LRP1B: variants seen among roughly 807,000 people sequenced by gnomAD.
LRP1B encodes the protein LDL receptor related protein 1B, also known as low-density lipoprotein receptor-related protein 1B.
LRP1B carries 217 observed loss-of-function variants against 556.6 expected under a neutral mutation model. The observed-to-expected ratio is 0.39, with a 90% CI of 0.35 to 0.44. LRP1B has a LOEUF of 0.44. Ranked by LOEUF, LRP1B falls within the 20% of genes least tolerant of loss-of-function variation. The pLI is 1.00. For missense variants in LRP1B, 5,053 were observed against 5,620.8 expected, an observed-to-expected ratio of 0.90 and a Z score of 3.23; for synonymous variants, 2,047 against 1,865.8, an observed-to-expected ratio of 1.10 and a Z score of -2.50.
At chr2:141,870,704 T>C (rs972844875) in intron 1 of LRP1B, among the ~76,000 whole-genome samples, 8 of 151,916 alleles carry the variant, frequency 5.3e-5, no homozygotes, top group Non-Finnish European at 1.2e-4. Context: ...TTATATTTGC[T>C]GTAGGAGTCA....
intron 11 of LRP1B, among the ~76,000 whole-genome samples, chr2:141,028,953 G>A (rs1698291073): frequency 6.6e-6 from 1 of 152,108 alleles, no homozygotes; most frequent in Admixed American, 6.6e-5. Context: ...AAGAGAGCTG[G>A]GTTGGGTGTG....
chr2:141,401,967 G>T (rs1447584890), intron 3 of LRP1B, among the ~76,000 whole-genome samples: 1 of 152,062 alleles, frequency 6.6e-6, no homozygotes, highest in Non-Finnish European at 1.5e-5. Flanking sequence ...ATATTTGAAC[G>T]CATCCTTCTT....
chr2:140,345,059 A>G (rs1426877585), intron 77 of LRP1B, among the ~76,000 whole-genome samples: 4 of 151,674 alleles, frequency 2.6e-5, no homozygotes, highest in South Asian at 4.1e-4. Context: ...GGGTTTCTCA[A>G]TTTCACTGCT....
At chr2:140,721,899 A>T (rs951805397) in intron 35 of LRP1B, among the ~76,000 whole-genome samples, 1 of 151,758 alleles carries the variant, frequency 6.6e-6, no homozygotes, top group Non-Finnish European at 1.5e-5. Context: ...TATATATTTA[A>T]GTATATAAAT....
chr2:142,008,970 G>T (rs1702877579), intron 1 of LRP1B, among the ~76,000 whole-genome samples: 2 of 151,938 alleles, frequency 1.3e-5, no homozygotes, highest in Non-Finnish European at 2.9e-5. Flanking sequence ...ACCCTGTTAG[G>T]TTGCTGAAGA....
chr2:140,754,639 ACT>A (rs999604761), intron 35 of LRP1B, among the ~76,000 whole-genome samples: 1 of 152,040 alleles, frequency 6.6e-6, no homozygotes, highest in Non-Finnish European at 1.5e-5. Flanking sequence ...GAAAATGAAG[ACT>A]CTATATATCA....
chr2:140,657,658 T>TATACATAC (rs1684939830), intron 41 of LRP1B, among the ~76,000 whole-genome samples: 1 of 147,538 alleles, frequency 6.8e-6, no homozygotes, highest in African/African-American at 2.5e-5. Context: ...TATACATACA[T>TATACATAC]ATATATACAT....
At chr2:141,092,600 G>A (rs1700196208) in intron 7 of LRP1B, among the ~76,000 whole-genome samples, 1 of 152,132 alleles carries the variant, frequency 6.6e-6, no homozygotes, top group African/African-American at 2.4e-5. Context: ...GTTAATGAAG[G>A]ATGAACCTAA....
intron 1 of LRP1B, among the ~76,000 whole-genome samples, chr2:141,897,043 C>T (rs1233207292): frequency 6.6e-6 from 1 of 152,022 alleles, no homozygotes; most frequent in African/African-American, 2.4e-5. Context: ...GGAGTTGGCT[C>T]ATAAATTACA....
chr2:140,573,588 A>C (rs1336875116), intron 43 of LRP1B, among the ~76,000 whole-genome samples: 1 of 152,044 alleles, frequency 6.6e-6, no homozygotes, highest in Non-Finnish European at 1.5e-5. Flanking sequence ...TTCCAACTTG[A>C]CCATTTGGGA....
chr2:141,765,169 A>G (rs1283504197), intron 2 of LRP1B, among the ~76,000 whole-genome samples: 1 of 152,242 alleles, frequency 6.6e-6, no homozygotes, highest in Admixed American at 6.5e-5. Context: ...ATAATTTAGT[A>G]TAACCTGAGA....
intron 1 of LRP1B, among the ~76,000 whole-genome samples, chr2:142,117,220 A>T (rs762576855): frequency 2.6e-5 from 4 of 152,132 alleles, no homozygotes; most frequent in Non-Finnish European, 5.9e-5. Flanking sequence ...GTTAAGTCAC[A>T]ATTGGGTCTA....
At chr2:142,123,177 AAC>A (rs1707518104) in intron 1 of LRP1B, among the ~76,000 whole-genome samples, 1 of 152,068 alleles carries the variant, frequency 6.6e-6, no homozygotes, top group South Asian at 2.1e-4. Context: ...ATATGCTAGG[AAC>A]ACACAAAGCA....
At chr2:141,905,342 G>A (rs1024052985) in intron 1 of LRP1B, among the ~76,000 whole-genome samples, 1 of 151,830 alleles carries the variant, frequency 6.6e-6, no homozygotes. Flanking sequence ...AACATAAAGA[G>A]TGCAAAGGTG....
chr2:141,812,187 C>A (rs190241712), intron 1 of LRP1B, among the ~76,000 whole-genome samples: 50 of 152,136 alleles, frequency 3.3e-4, no homozygotes, highest in Middle Eastern at 3.4e-3. Context: ...TAGGCTGTCA[C>A]ATAACTTTTG....
rs2104884859 is a variant in LRP1B at position 140,239,501 on chromosome 2, G to T, written c.13356C>A (p.Leu4452=). The change falls in exon 88 of 91, where the codon CTC becomes CTA. Residue 4452 remains leucine, a synonymous_variant. Transcript: ENST00000389484. ...RSIAIIVPLV[L]LVTLITTLVI... ...CTAAGGTGGTTATCAAAGTCACCAA[G>T]AGGACGAGAGGCACAATGATGGCAA... 1 of 1,604,748 alleles carries T rather than the reference G, an allele frequency of 6.2e-7. No individual in the cohort carries two copies. The highest frequency in any genetic ancestry group is 1.1e-5 in the South Asian group (1 of 90,518).
intron 29 of LRP1B, among the ~76,000 whole-genome samples, chr2:140,842,445 C>G (rs1445882587): frequency 6.6e-6 from 1 of 152,184 alleles, no homozygotes; most frequent in Non-Finnish European, 1.5e-5. Flanking sequence ...GAAGATACTA[C>G]TCGTGGTTCC....
intron 32 of LRP1B, among the ~76,000 whole-genome samples, chr2:140,778,229 T>C (rs886891918): frequency 6.6e-6 from 1 of 152,200 alleles, no homozygotes; most frequent in Non-Finnish European, 1.5e-5. Flanking sequence ...ACTTTTTTCA[T>C]AGAACATCAT....
intron 66 of LRP1B, among the ~76,000 whole-genome samples, chr2:140,432,460 T>C (rs1474680458): frequency 2.6e-5 from 4 of 152,212 alleles, no homozygotes; most frequent in Admixed American, 6.5e-5. Flanking sequence ...TAAAGAGCTT[T>C]ATTATTTCTG....
Sources: gnomAD v4.1 joint callset for allele counts (sites outside exome capture counted in the v4.1 genomes callset) on GRCh38, gnomAD v4.1.1 for gene constraint, MANE v1.5 for transcripts, NCBI Gene and HGNC (gene_info 2026-07-23, HGNC 2026-07-21) for gene names.